ARHGEF4: variants seen among roughly 807,000 people sequenced by gnomAD.
ARHGEF4 encodes the protein APC-stimulated guanine nucleotide exchange factor 1.
ARHGEF4 carries 119 observed loss-of-function variants against 162.0 expected under a neutral mutation model. That is an observed-to-expected ratio of 0.73 (90% CI 0.63 to 0.86). The LOEUF is 0.86. ARHGEF4 is among the 40% of genes least tolerant of loss of function. The pLI is 0.00. For missense variants in ARHGEF4, 2,488 were observed against 2,456.0 expected, an observed-to-expected ratio of 1.01 and a Z score of -0.28; for synonymous variants, 1,014 against 979.9, an observed-to-expected ratio of 1.03 and a Z score of -0.65.
intron 3 of ARHGEF4, among the ~76,000 whole-genome samples, chr2:130,933,565 G>A (rs1450870433): frequency 6.6e-6 from 1 of 152,160 alleles, no homozygotes; most frequent in African/African-American, 2.4e-5. Flanking sequence ...AACACTGGGT[G>A]TCTTTCCGTT....
In ARHGEF4 at chr2:130,916,432, C is replaced by A; in HGVS notation, c.2486C>A (p.Pro829His). ...GGTCGCCGCTGGGGCTCTTCAGGCCCCGAGGGGCTCCCCAGGGAGAATCCG... is the reference window on the plus strand; with the variant it reads ...GGTCGCCGCTGGGGCTCTTCAGGCCACGAGGGGCTCCCCAGGGAGAATCCG... ...TEGRRWGSSGPEGLPRENPPA... is the reference protein window; with the variant it reads ...TEGRRWGSSGHEGLPRENPPA... The change falls in exon 2 of 14, where the codon CCC becomes CAC. Residue 829 changes from proline to histidine, a missense_variant. Around this residue, in one of 6 missense-constraint regions of ARHGEF4, gnomAD observed 1,642 missense variants for 1,481.5 expected, o/e 1.11. Coordinates refer to ENST00000409359, the MANE Select transcript of ARHGEF4 (RefSeq NM_001367493.1). 6.5e-7 allele frequency: 1 copy of A among 1,538,204 alleles called. No homozygotes were observed. Among genetic ancestry groups the A allele is most frequent in the African/African-American group, 1.4e-5 (1 of 72,942 alleles).
intron 4 of ARHGEF4, among the ~76,000 whole-genome samples, chr2:130,976,257 T>C (rs1384704540): frequency 1.3e-5 from 2 of 151,606 alleles, no homozygotes; most frequent in African/African-American, 4.9e-5. Context: ...TGTTGGAGAG[T>C]GTGGTTAAAC....
intron 1 of ARHGEF4, among the ~76,000 whole-genome samples, chr2:130,882,035 C>T (rs377394000): frequency 2.0e-5 from 3 of 152,114 alleles, no homozygotes; most frequent in Admixed American, 1.3e-4. Context: ...TGAGAATGGC[C>T]GGACAGGAAG....
chr2:130,889,883 G>A (rs1679756713), intron 1 of ARHGEF4, among the ~76,000 whole-genome samples: 2 of 151,360 alleles, frequency 1.3e-5, no homozygotes, highest in Non-Finnish European at 1.5e-5. Context: ...TTCTGGTTTG[G>A]CTGCTACTTC....
chr2:130,982,804 T>C (rs1686223090), intron 4 of ARHGEF4, among the ~76,000 whole-genome samples: 1 of 152,324 alleles, frequency 6.6e-6, no homozygotes, highest in African/African-American at 2.4e-5. Flanking sequence ...ATAATCTTTT[T>C]AAAGGTGTAA....
chr2:130,850,876 T>C (rs1681363668), intron 1 of ARHGEF4, among the ~76,000 whole-genome samples: 1 of 152,218 alleles, frequency 6.6e-6, no homozygotes, highest in Non-Finnish European at 1.5e-5. Flanking sequence ...GCCTCTGTCA[T>C]GCATGCGCTT....
At chr2:130,882,084 T>G (rs1679231125) in intron 1 of ARHGEF4, among the ~76,000 whole-genome samples, 1 of 152,070 alleles carries the variant, frequency 6.6e-6, no homozygotes, top group South Asian at 2.1e-4. Context: ...GGGATAGACC[T>G]GCAAAGAAAT....
chr2:130,949,558 G>A (rs1683825809), intron 4 of ARHGEF4, among the ~76,000 whole-genome samples: 1 of 152,070 alleles, frequency 6.6e-6, no homozygotes, highest in African/African-American at 2.4e-5. Flanking sequence ...GTTTCACTGT[G>A]ATAGCCAGGG....
intron 4 of ARHGEF4, among the ~76,000 whole-genome samples, chr2:130,993,328 CA>C (rs1311555411): frequency 1.3e-5 from 2 of 152,028 alleles, no homozygotes; most frequent in Non-Finnish European, 2.9e-5. Flanking sequence ...AAATTTCTGG[CA>C]TATTTGTATT....
At chr2:130,842,794 G>A (rs1205138417) in intron 1 of ARHGEF4, among the ~76,000 whole-genome samples, 4 of 152,200 alleles carry the variant, frequency 2.6e-5, no homozygotes, top group African/African-American at 9.7e-5. Context: ...CCTGGTACCA[G>A]TTTCTTTACT....
At chr2:131,000,934 A>T (rs1343093650) in intron 4 of ARHGEF4, among the ~76,000 whole-genome samples, 1 of 152,242 alleles carries the variant, frequency 6.6e-6, no homozygotes, top group Non-Finnish European at 1.5e-5. Context: ...CGGACTTAGT[A>T]GACTAAGTCA....
chr2:130,928,997 C>A (rs890394142), intron 2 of ARHGEF4, among the ~76,000 whole-genome samples: 7 of 152,268 alleles, frequency 4.6e-5, no homozygotes, highest in Admixed American at 2.0e-4. Context: ...AATTGCCAAC[C>A]ATTCCCTCAG....
In ARHGEF4 at chr2:131,044,607, C is replaced by T. The variant is rs141399959; in HGVS notation, c.5401+65C>T. Reference sequence around the variant, plus strand: ...CACCCGGCGCTCCCGCCTGCCTGGCCGCCTGCCGGTCAGGAGAGCGCCGCT... The same window carrying T: ...CACCCGGCGCTCCCGCCTGCCTGGCTGCCTGCCGGTCAGGAGAGCGCCGCT... On this transcript the variant is annotated intron_variant, in intron 12 of 13. Transcript: ENST00000409359. 5.7e-3 allele frequency: 8,612 copies of T among 1,514,468 alleles called. 38 individuals are homozygous for T. Among genetic ancestry groups the T allele is most frequent in the Non-Finnish European group, 7.0e-3 (7,868 of 1,128,806 alleles). 93.8% of individuals were successfully genotyped at this position (1,514,468 alleles called of 1,614,324 possible).
intron 1 of ARHGEF4, among the ~76,000 whole-genome samples, chr2:130,896,236 T>C (rs1427312858): frequency 1.3e-5 from 2 of 152,252 alleles, no homozygotes; most frequent in African/African-American, 4.8e-5. Flanking sequence ...CATGAACTTT[T>C]GTTCTTTCTG....
chr2:130,844,628 ATGGCCCCTAG>A (rs1323721008), intron 1 of ARHGEF4, among the ~76,000 whole-genome samples: 17 of 152,028 alleles, frequency 1.1e-4, no homozygotes, highest in Non-Finnish European at 2.5e-4. Flanking sequence ...TGTGATGGTG[ATGGCCCCTAG>A]GTGGGTCCAC....
chr2:131,003,002 C>G (rs1687881717), intron 4 of ARHGEF4, among the ~76,000 whole-genome samples: 3 of 152,098 alleles, frequency 2.0e-5, no homozygotes, highest in Non-Finnish European at 2.9e-5. Context: ...TTTTTGCACC[C>G]CAACTTTGTG....
At chr2:130,864,452 C>T (rs945923891) in intron 1 of ARHGEF4, among the ~76,000 whole-genome samples, 1 of 151,954 alleles carries the variant, frequency 6.6e-6, no homozygotes, top group Non-Finnish European at 1.5e-5. Context: ...TGGCCAGGCA[C>T]GCTGGCTCAC....
At chr2:130,991,982 C>G (rs191144065) in intron 4 of ARHGEF4, among the ~76,000 whole-genome samples, 39 of 152,302 alleles carry the variant, frequency 2.6e-4, no homozygotes, top group African/African-American at 8.9e-4. Context: ...CACTCTGTAT[C>G]TAGCTCAAGG....
rs1238781180 is a variant in ARHGEF4, at chr2:130,916,653, A to C, written c.2707A>C (p.Lys903Gln). Residue 903 changes from lysine (K) to glutamine (Q), a missense_variant, in exon 2 of 14, where the codon AAA (lysine) becomes CAA (glutamine). By Grantham distance (53) the Lys-to-Gln change is moderately conservative. This residue lies in a region of ARHGEF4 where 1,642 missense variants were observed against 1,481.5 expected (regional missense o/e 1.11). Coordinates refer to ENST00000409359, the MANE Select transcript of ARHGEF4 (RefSeq NM_001367493.1). The stretch of plus-strand genomic sequence containing the variant: ...CGCAAAGAGACTCAAAACAACGGAG[A>C]AAAAACTCAGGGCAAGGTTGGCCTT... ...CNAKRLKTTE[K>Q]KLRARLALAH... The C allele has an allele frequency of 2.3e-5, 36 of 1,550,616 alleles. No individual in the cohort carries two copies. Among genetic ancestry groups the C allele is most frequent in the Non-Finnish European group, 3.1e-5 (36 of 1,146,984 alleles).
Sources: gnomAD v4.1 joint callset for allele counts (sites outside exome capture counted in the v4.1 genomes callset) on GRCh38, gnomAD v4.1.1 for gene constraint, gnomAD v4.1.1 regional missense constraint, MANE v1.5 for transcripts, NCBI Gene and HGNC (gene_info 2026-07-23, HGNC 2026-07-21) for gene names.